GREB1L: variants seen among roughly 807,000 people sequenced by gnomAD.
GREB1L encodes the protein GREB1 like retinoic acid receptor coactivator.
A neutral mutation model predicts 200.8 loss-of-function variants in GREB1L; 17 were observed. The observed-to-expected ratio is 0.08, with a 90% confidence interval of 0.06 to 0.13. The LOEUF is 0.13. GREB1L is among the 10% of genes least tolerant of loss of function. GREB1L has a pLI of 1.00. For synonymous variants in GREB1L, 789 were observed against 893.0 expected (o/e 0.88, Z 2.08); for missense variants, 1,657 against 2,367.7 (o/e 0.70, Z 6.23).
At chr18:21,285,023 A>C (rs1251746214) in intron 1 of GREB1L, among the ~76,000 whole-genome samples, 1 of 151,968 alleles carries the variant, frequency 6.6e-6, no homozygotes, top group Non-Finnish European at 1.5e-5. Flanking sequence ...TTTTGATCAT[A>C]TTTGCCTTTT....
intron 7 of GREB1L, among the ~76,000 whole-genome samples, chr18:21,413,223 C>T (rs1405835544): frequency 3.9e-5 from 6 of 152,176 alleles, no homozygotes; most frequent in African/African-American, 7.2e-5. Context: ...CCTAGGCCTA[C>T]CCTGCTCACA....
intron 5 of GREB1L, among the ~76,000 whole-genome samples, chr18:21,399,429 TTGGATGGTTGGATGGA>T (rs2041216391): frequency 1.4e-5 from 2 of 146,304 alleles, no homozygotes; most frequent in African/African-American, 5.2e-5. Flanking sequence ...GGATGGATGG[TTGGATGGTTGGATGGA>T]TGGATGGTTG....
At chr18:21,281,303 T>C (rs1188760190) in intron 1 of GREB1L, among the ~76,000 whole-genome samples, 1 of 152,244 alleles carries the variant, frequency 6.6e-6, no homozygotes, top group Non-Finnish European at 1.5e-5. Flanking sequence ...GAGATTCAAC[T>C]TCTCATTGCT....
intron 17 of GREB1L, among the ~76,000 whole-genome samples, chr18:21,484,639 A>T (rs1177989355): frequency 1.3e-5 from 2 of 152,136 alleles, no homozygotes; most frequent in Non-Finnish European, 2.9e-5. Flanking sequence ...CAACGTGGCG[A>T]AACCCCGTCT....
chr18:21,329,566 G>C (rs1321851974), intron 1 of GREB1L, among the ~76,000 whole-genome samples: 1 of 152,016 alleles, frequency 6.6e-6, no homozygotes, highest in Non-Finnish European at 1.5e-5. Context: ...GAGTGTCCAA[G>C]GAAGACTTTC....
intron 1 of GREB1L, among the ~76,000 whole-genome samples, chr18:21,312,122 A>T (rs2038801290): frequency 6.6e-6 from 1 of 152,174 alleles, no homozygotes; most frequent in Non-Finnish European, 1.5e-5. Context: ...GATGGCCTCC[A>T]GCTCCATCCA....
At position 21,439,524 on chromosome 18, in the gene GREB1L, C is replaced by A; in HGVS notation, c.836C>A (p.Ala279Asp). The change falls in exon 8 of 33, where the codon GCT becomes GAT. Residue 279 changes from alanine (A) to aspartate (D), a missense_variant. Ala to Asp is a moderately radical substitution (Grantham distance 126, BLOSUM62 -2). Coordinates refer to ENST00000424526, the MANE Select transcript of GREB1L (RefSeq NM_001142966.3). ...CTCCTCTCCTTGTGTTCTACAGATG[C>A]TGCTAATGGAAACAGTAGCCATGGA... ...GYKSGFTQTD[A>D]ANGNSSHGGK... The A allele has an allele frequency of 6.6e-7, 1 of 1,526,160 alleles. No individual in the cohort carries two copies. Among genetic ancestry groups the A allele is most frequent in the Non-Finnish European group, 8.9e-7 (1 of 1,123,480 alleles). 94.5% of individuals were successfully genotyped at this position (1,526,160 alleles called of 1,614,324 possible). A position where few individuals can be genotyped will look rare whatever the true frequency, so the allele number is the denominator to read the frequency against.
At chr18:21,476,750 T>C (rs1180717351) in intron 16 of GREB1L, among the ~76,000 whole-genome samples, 6 of 151,746 alleles carry the variant, frequency 4.0e-5, no homozygotes, top group African/African-American at 7.3e-5. Flanking sequence ...TTTTGTATTT[T>C]TTTTTTTTAA....
intron 30 of GREB1L, among the ~76,000 whole-genome samples, chr18:21,517,561 A>G (rs1568080041): frequency 6.6e-6 from 1 of 152,230 alleles, no homozygotes; most frequent in Non-Finnish European, 1.5e-5. Context: ...ATCCTTTGCT[A>G]GAAGTTTCTT....
intron 1 of GREB1L, among the ~76,000 whole-genome samples, chr18:21,326,479 C>T (rs1416246489): frequency 6.6e-6 from 1 of 152,122 alleles, no homozygotes; most frequent in Non-Finnish European, 1.5e-5. Context: ...CACCGATAGC[C>T]GGTCGCTGGG....
rs1187783312 is a variant in GREB1L, at chr18:21,330,048, G to A, written c.-119-35979G>A. Among the ~76,000 whole-genome samples the A allele has an allele frequency of 3.4e-5, 5 of 146,934 alleles. No individual in the cohort carries two copies. In the South Asian group the frequency reaches 8.6e-4, roughly 25 times the overall value. On this transcript the variant is annotated intron_variant, in intron 1 of 32. Transcript: ENST00000424526. ...GGTCATCAATCCTGCATTTAACTTT[G>A]TAACTGAAGAAAAACCATAATTAAG... is the stretch of plus-strand genomic sequence containing the variant.
At chr18:21,465,689 A>G (rs1471478460) in intron 15 of GREB1L, among the ~76,000 whole-genome samples, 1 of 152,180 alleles carries the variant, frequency 6.6e-6, no homozygotes, top group Non-Finnish European at 1.5e-5. Flanking sequence ...TATCTTTCAG[A>G]TGGAATTCTG....
intron 1 of GREB1L, among the ~76,000 whole-genome samples, chr18:21,249,325 C>T (rs1006971741): frequency 1.3e-5 from 2 of 152,134 alleles, no homozygotes; most frequent in African/African-American, 2.4e-5. Flanking sequence ...AAATAACATC[C>T]GTATCAGCTG....
intron 1 of GREB1L, among the ~76,000 whole-genome samples, chr18:21,305,981 C>T (rs2038693109): frequency 6.6e-6 from 1 of 152,212 alleles, no homozygotes; most frequent in African/African-American, 2.4e-5. Context: ...CTTCCCTGAA[C>T]ATCTCATCTA....
intron 1 of GREB1L, among the ~76,000 whole-genome samples, chr18:21,252,242 C>G (rs1222461653): frequency 6.6e-6 from 1 of 152,134 alleles, no homozygotes; most frequent in African/African-American, 2.4e-5. Flanking sequence ...TTTGAAAAAT[C>G]TGTGCAGAAA....
chr18:21,283,475 G>T (rs1278646744), intron 1 of GREB1L, among the ~76,000 whole-genome samples: 2 of 152,212 alleles, frequency 1.3e-5, no homozygotes, highest in African/African-American at 2.4e-5. Context: ...CTAAATAATT[G>T]TCTGTGTTGG....
intron 23 of GREB1L, 92 bp downstream of exon 23, chr18:21,500,734 T>C: frequency 1.2e-6 from 1 of 864,710 alleles, no homozygotes; most frequent in Non-Finnish European, 1.8e-6. Context: ...TTCTGGGATT[T>C]CTACAGTACC....
intron 21 of GREB1L, among the ~76,000 whole-genome samples, chr18:21,497,821 C>CTT (rs1555659431): frequency 3.8e-4 from 31 of 80,992 alleles, no homozygotes; most frequent in Non-Finnish European, 6.2e-4. Context: ...ACCCCCCCCC[C>CTT]TTTTTTTTTT....
chr18:21,417,929 C>T (rs1351138274), intron 7 of GREB1L, among the ~76,000 whole-genome samples: 3 of 148,494 alleles, frequency 2.0e-5, no homozygotes, highest in African/African-American at 5.0e-5. Context: ...TGCAGTGAGC[C>T]GAGATTGTGC....
Sources: allele counts gnomAD v4.1 joint callset (sites outside exome capture counted in the v4.1 genomes callset), GRCh38; gene constraint gnomAD v4.1.1; transcripts MANE v1.5; gene names NCBI Gene and HGNC (gene_info 2026-07-23, HGNC 2026-07-21).